TNXB: variants seen among roughly 807,000 people sequenced by gnomAD.
TNXB encodes the protein tenascin-X.
In TNXB, 183 loss-of-function variants were observed where a neutral mutation model predicts 340.5. The observed-to-expected ratio is 0.54, with a 90% CI of 0.48 to 0.61. The LOEUF is 0.61. Ranked by LOEUF, TNXB falls within the 20% of genes least tolerant of loss-of-function variation. The pLI, the probability that TNXB is intolerant of heterozygous loss-of-function variation, is 0.00. For synonymous variants in TNXB, 2,121 were observed against 2,314.5 expected, an observed-to-expected ratio of 0.92 and a Z score of 2.40; for missense variants, 4,613 against 5,446.4, an observed-to-expected ratio of 0.85 and a Z score of 4.82.
chr6:32,058,251 G>A lies in TNXB; in HGVS notation c.7632C>T (p.Val2544=), dbSNP rs1173548939. 6 of 1,612,360 alleles carry A rather than the reference G, an allele frequency of 3.7e-6. No individual in the cohort carries two copies. Among genetic ancestry groups the A allele is most frequent in the African/African-American group, 1.3e-5 (1 of 74,816 alleles). The change falls in exon 22 of 44, where the codon GTC becomes GTT. Residue 2544 remains valine (V), a synonymous_variant. Coordinates refer to ENST00000644971, the MANE Select transcript of TNXB (RefSeq NM_001365276.2). This position sits in a 1 kb window ranked among gnomAD's most constrained non-coding sequence, Gnocchi z 5.1. Reference sequence around the variant, plus strand: ...TGAAGGAGTCAAAGCGGCCCTGGGGGACGGTCCAGGAAAGGCTCAGCGAGT... The same window carrying A: ...TGAAGGAGTCAAAGCGGCCCTGGGGAACGGTCCAGGAAAGGCTCAGCGAGT... ...SPDSLSLSWT[V]PQGRFDSFTV... is the part of the protein sequence containing the mutation.
rs1353876524 is a variant in TNXB, at chr6:32,070,843, G to A, written c.4991-429C>T. On this transcript the variant is annotated intron_variant, in intron 13 of 43. Transcript: ENST00000644971. This position sits in a 1 kb window ranked among gnomAD's most constrained non-coding sequence, Gnocchi z 6.0. ...CGAGGAGCGCAGGATCCCTGATGGGGGCACTCGGCAGGTCAGGGAGGCAGG... is the reference window on the plus strand; with the variant it reads ...CGAGGAGCGCAGGATCCCTGATGGGAGCACTCGGCAGGTCAGGGAGGCAGG... Among the ~76,000 whole-genome samples the A allele has an allele frequency of 6.6e-6, 1 of 152,236 alleles. No individual in the cohort carries two copies. Among genetic ancestry groups the A allele is most frequent in the African/African-American group, 2.4e-5 (1 of 41,468 alleles).
chr6:32,093,258 G>A (rs543285904), intron 4 of TNXB: 1 of 662,994 alleles, frequency 1.5e-6, no homozygotes, highest in Non-Finnish European at 2.8e-6. Context: ...TTTTAGTGAG[G>A]AGCAGCCAGG....
chr6:32,048,867 A>G (rs1483369725), intron 28 of TNXB, among the ~76,000 whole-genome samples: 1 of 152,180 alleles, frequency 6.6e-6, no homozygotes, highest in Non-Finnish European at 1.5e-5. Flanking sequence ...CATCACCCCA[A>G]CTTTGCAGGA....
intron 1 of TNXB, among the ~76,000 whole-genome samples, chr6:32,103,191 T>G (rs749177076): frequency 1.3e-5 from 2 of 151,934 alleles, no homozygotes; most frequent in Non-Finnish European, 2.9e-5. Context: ...GAGGCCAAGG[T>G]AGGCGGATCA....
At position 32,049,882 on chromosome 6, in the gene TNXB, A is replaced by C. The variant is rs1777158967; in HGVS notation, c.9439+116T>G. 6.6e-7 allele frequency: 1 copy of C among 1,506,404 alleles called. No homozygotes were observed. Among genetic ancestry groups the C allele is most frequent in the Non-Finnish European group, 9.0e-7 (1 of 1,105,604 alleles). 93.3% of individuals were successfully genotyped at this position (1,506,404 alleles called of 1,614,324 possible). A position where few individuals can be genotyped will look rare whatever the true frequency, so the allele number is the denominator to read the frequency against. On this transcript the variant is annotated intron_variant, in intron 27 of 43. Transcript: ENST00000644971. The surrounding 1 kb of genome is among the most constrained non-coding windows in gnomAD (Gnocchi z 4.5). ...CCCAAGGGGAGTCCCAGCCCCAGCC[A>C]CAAGCAGTTCTGTGGTGCTGACCAG...
In TNXB at chr6:32,067,827, G is replaced by A. The variant is rs536003119; in HGVS notation, c.6378C>T (p.Thr2126=). ...GCCCGTCCCTGTCCTTGTACTGCAC[G>A]GTGAAGGAGTCGAAGCGGCCCTGGG... ...TVPQGRFDSF[T]VQYKDRDGRP... The change falls in exon 18 of 44, where the codon ACC becomes ACT. Residue 2126 remains threonine (T), a synonymous_variant. Transcript: ENST00000644971. This position sits in a 1 kb window ranked among gnomAD's most constrained non-coding sequence, Gnocchi z 4.2. 54 of 1,613,132 alleles carry A rather than the reference G, an allele frequency of 3.3e-5. No individual in the cohort carries two copies. The Middle Eastern group carries it at 5.4e-4, about 16-fold the overall frequency.
At position 32,056,873 on chromosome 6, in the gene TNXB, G is replaced by A. The variant is rs183760368; in HGVS notation, c.7856C>T (p.Pro2619Leu). The A allele has an allele frequency of 8.7e-4, 1,407 of 1,612,584 alleles. 2 individuals carry two copies. The highest frequency in any genetic ancestry group is 5.9e-3 in the Middle Eastern group (36 of 6,060). ...GATGGGGGGCTCAGGGGTCATGGTA[G>A]GCACTGCTTGGGTGGTCTCGGCTTC... ...EDEAETTQAV[P>L]TMTPEPPIKP... Residue 2619 changes from proline (P) to leucine (L), a missense_variant, in exon 23 of 44, where the codon CCT becomes CTT. Pro to Leu is a moderately conservative substitution (Grantham distance 98). Coordinates refer to ENST00000644971, the MANE Select transcript of TNXB (RefSeq NM_001365276.2).
At chr6:32,093,946 T>C (rs892354127) in intron 4 of TNXB, among the ~76,000 whole-genome samples, 1 of 151,588 alleles carries the variant, frequency 6.6e-6, no homozygotes, top group Non-Finnish European at 1.5e-5. Flanking sequence ...ATACAAACAT[T>C]AGCAGGCTAA....
chr6:32,095,376 A>AAG (rs1780271602), intron 3 of TNXB, among the ~76,000 whole-genome samples, 185 bp from the exon 4 acceptor site: 1 of 152,042 alleles, frequency 6.6e-6, no homozygotes, highest in African/African-American at 2.4e-5. Context: ...CATCTTCAGG[A>AAG]GCACAGAATC....
chr6:32,095,398 A>C, intron 3 of TNXB, among the ~76,000 whole-genome samples: 1 of 151,946 alleles, frequency 6.6e-6, no homozygotes, highest in African/African-American at 2.4e-5. Context: ...CCCTAAATGC[A>C]ACTAAATGGG....
intron 11 of TNXB, among the ~76,000 whole-genome samples, chr6:32,077,797 C>T (rs182489276): frequency 1.5e-4 from 23 of 152,292 alleles, no homozygotes; most frequent in East Asian, 3.9e-4. Context: ...AAGGCCAAGG[C>T]GGGTGGATCA....
rs1241094781 is a variant in TNXB at position 32,084,742 on chromosome 6, G to A, written c.3149-33C>T. 3 of 1,506,736 alleles carry A rather than the reference G, an allele frequency of 2.0e-6. No individual in the cohort carries two copies. Among genetic ancestry groups the A allele is most frequent in the African/African-American group, 2.8e-5 (2 of 72,590 alleles). 93.3% of individuals were successfully genotyped at this position (1,506,736 alleles called of 1,614,324 possible). ...TTGAGAGGCAAAAGCAAAGCATAGTGGACTCAACCGTTCTCTTGTCTGTGT... is the reference window on the plus strand; with the variant it reads ...TTGAGAGGCAAAAGCAAAGCATAGTAGACTCAACCGTTCTCTTGTCTGTGT... On this transcript the variant is annotated intron_variant, in intron 7 of 43. Transcript: ENST00000644971. This position sits in a 1 kb window ranked among gnomAD's most constrained non-coding sequence, Gnocchi z 5.5.
intron 1 of TNXB, among the ~76,000 whole-genome samples, chr6:32,101,755 CCT>C (rs1780733981): frequency 6.6e-6 from 1 of 151,924 alleles, no homozygotes; most frequent in East Asian, 1.9e-4. Flanking sequence ...ATAAACTCTA[CCT>C]CTGTCACCCA....
intron 1 of TNXB, among the ~76,000 whole-genome samples, chr6:32,104,653 G>C (rs1317846462): frequency 7.1e-6 from 1 of 141,782 alleles, no homozygotes; most frequent in Non-Finnish European, 1.5e-5. Context: ...CTTTTTTTTT[G>C]AGACAGGGTC....
intron 18 of TNXB, 91 bp from the exon 19 acceptor site, chr6:32,065,208 A>G (rs1778272979): frequency 8.6e-7 from 1 of 1,162,676 alleles, no homozygotes; most frequent in Non-Finnish European, 1.2e-6. Flanking sequence ...AGGTGGGCCC[A>G]GTCTGGCCCT....
rs1779939993 is a variant in TNXB at position 32,088,828 on chromosome 6, C to T, written c.2736G>A (p.Arg912=). The part of the protein sequence containing the change: ...VEYVVTVTAE[R]GRAVSYPASV... ...AAGCTGGGTAGCTGACTGCCCGGCC[C>T]CGCTCCGCTGTGACAGTCACCACAT... The change falls in exon 6 of 44, where the codon CGG becomes CGA. Residue 912 remains arginine, a synonymous_variant. Coordinates refer to ENST00000644971, the MANE Select transcript of TNXB (RefSeq NM_001365276.2). The T allele has an allele frequency of 6.3e-7, 1 of 1,581,152 alleles. No homozygotes were observed.
intron 1 of TNXB, among the ~76,000 whole-genome samples, chr6:32,105,952 A>G (rs934780805): frequency 2.0e-5 from 3 of 152,226 alleles, no homozygotes; most frequent in Non-Finnish European, 4.4e-5. Context: ...GGAATGAACT[A>G]TAGTTATATG....
chr6:32,067,952 GTTCT>G lies in TNXB; in HGVS notation c.6249_6252del (p.Glu2084ProfsTer17). 1 of 1,612,326 alleles carries G rather than the reference GTTCT, an allele frequency of 6.2e-7. No individual in the cohort carries two copies. The highest frequency in any genetic ancestry group is 1.1e-5 in the South Asian group (1 of 91,058). ...GCGGGCTCCGGGGCCTCCATGCTGGGTTCTGTGGGGCTGGGGGTCTCTTCCTCTG... is the reference window on the plus strand; with the variant it reads ...GCGGGCTCCGGGGCCTCCATGCTGGGGTGGGGCTGGGGGTCTCTTCCTCTG... On this transcript the variant is annotated frameshift_variant, in exon 18 of 44. Transcript: ENST00000644971. LOFTEE classifies it high-confidence loss of function. The surrounding 1 kb of genome is among the most constrained non-coding windows in gnomAD (Gnocchi z 4.2).
rs1263921951 is a variant in TNXB, at chr6:32,069,834, C to T, written c.5306G>A (p.Gly1769Glu). ...ACGGGGTTTTGGGGGACGCTTTGTTCCAGTATCATCCATAGCACTCCGGGC... is the reference window on the plus strand; with the variant it reads ...ACGGGGTTTTGGGGGACGCTTTGTTTCAGTATCATCCATAGCACTCCGGGC... The part of the protein sequence containing the change: ...TEARSAMDDT[G>E]TKRPPKPRLG... The change falls in exon 15 of 44, where the codon GGA (glycine) becomes GAA (glutamate). Residue 1769 changes from glycine to glutamate, a missense_variant. Physicochemically the swap from Gly to Glu is moderately conservative, Grantham distance 98 (BLOSUM62 -2). This residue lies in a region of TNXB where 4,327 missense variants were observed against 4,859.4 expected (regional missense o/e 0.89). Transcript: ENST00000644971. The surrounding 1 kb of genome is among the most constrained non-coding windows in gnomAD (Gnocchi z 6.2). 3.1e-6 allele frequency: 5 copies of T among 1,605,940 alleles called. No individual in the cohort carries two copies. The highest frequency in any genetic ancestry group is 4.3e-6 in the Non-Finnish European group (5 of 1,175,722).
Sources: gnomAD v4.1 joint callset for allele counts (sites outside exome capture counted in the v4.1 genomes callset) on GRCh38, gnomAD v4.1.1 for gene constraint, gnomAD v4.1.1 regional missense constraint, Gnocchi (gnomAD v3.1) non-coding constraint, MANE v1.5 for transcripts, NCBI Gene and HGNC (gene_info 2026-07-23, HGNC 2026-07-21) for gene names.